The following SNAPC3 variants were observed in gnomAD, a reference collection of about 807,000 sequenced individuals.
The protein encoded by SNAPC3 is snRNA-activating protein complex subunit 3.
Under a neutral mutation model 47.7 loss-of-function variants are expected in SNAPC3, and 56 were observed. That is an observed-to-expected ratio of 1.18 (90% CI 0.95 to 1.47). SNAPC3 has a LOEUF of 1.47. SNAPC3 is among the 40% of genes most tolerant of loss of function. SNAPC3 has a pLI of 0.00. For missense variants in SNAPC3, 665 were observed against 511.3 expected (o/e 1.30, Z -2.90); for synonymous variants, 235 against 189.9 (o/e 1.24, Z -1.95).
At chr9:15,449,049 A>G (rs536449937) in intron 5 of SNAPC3, among the ~76,000 whole-genome samples, 1 of 152,188 alleles carries the variant, frequency 6.6e-6, no homozygotes, top group Non-Finnish European at 1.5e-5. Context: ...ACTTCAGGTG[A>G]TCCACCCGCC....
chr9:15,464,250 T>C (rs550988447), downstream of SNAPC3: 1 of 193,058 alleles, frequency 5.2e-6, no homozygotes, highest in Non-Finnish European at 1.1e-5. Context: ...AAAAATGCAA[T>C]TCTGTAGATG....
In SNAPC3 at chr9:15,422,988, C is replaced by T. The variant is rs375435015; in HGVS notation, c.109C>T (p.Leu37=). The T allele has an allele frequency of 1.6e-5, 25 of 1,546,178 alleles. No homozygotes were observed. The highest frequency in any genetic ancestry group is 2.1e-5 in the Non-Finnish European group (24 of 1,153,432). Residue 37 remains leucine, a synonymous_variant, in exon 1 of 9, where the codon CTA becomes TTA. Coordinates refer to ENST00000380821, the MANE Select transcript of SNAPC3 (RefSeq NM_001039697.2). The part of the protein sequence containing the change: ...CNFPEYELPE[L]NTRAFHVGAF... ...CTTTCCAGAGTATGAGCTTCCCGAG[C>T]TAAATACGCGCGCTTTCCATGTGGG... is the stretch of plus-strand genomic sequence containing the variant.
rs996286821 is a variant in SNAPC3, at chr9:15,461,336, A to C, written c.*1470A>C. On this transcript the variant is annotated 3_prime_UTR_variant, in exon 9 of 9. Coordinates refer to ENST00000380821, the MANE Select transcript of SNAPC3 (RefSeq NM_001039697.2). The stretch of plus-strand genomic sequence containing the variant: ...GCCACCATGGCGGGCTAATTTTTTT[A>C]TTTCTTGTAGATACAGGGTTTCACT... 6.6e-6 allele frequency: 1 copy of C among 151,928 alleles called. No homozygotes were observed. The highest frequency in any genetic ancestry group is 2.4e-5 in the African/African-American group (1 of 41,346). 9.4% of individuals were successfully genotyped at this position (151,928 alleles called of 1,614,324 possible).
rs1427752938 is a variant in SNAPC3, at chr9:15,443,212, G to GAGAGGGAC, written c.478-1388_478-1387insAGGGACAG. Among the ~76,000 whole-genome samples, 6 of 152,300 alleles carry GAGAGGGAC rather than the reference G, an allele frequency of 3.9e-5. No homozygotes were observed. In the East Asian group the frequency reaches 9.7e-4, roughly 25 times the overall value. On this transcript the variant is annotated intron_variant, in intron 3 of 8. Transcript: ENST00000380821. Reference sequence around the variant, plus strand: ...GGAGAGGGGGAGAGGGAGAGAGGGAGAGGGAGCTAACGTCTTTGTTTAGTG... The same window carrying GAGAGGGAC: ...GGAGAGGGGGAGAGGGAGAGAGGGAGAGAGGGACAGGGAGCTAACGTCTTTGTTTAGTG...
intron 7 of SNAPC3, 78 bp downstream of exon 7, chr9:15,453,283 T>A (rs41268953): frequency 0.013 from 15,668 of 1,189,634 alleles, 155 homozygotes; most frequent in Non-Finnish European, 0.016. Context: ...ATAGTTTTTT[T>A]AAAAATAAGA....
chr9:15,431,791 C>G (rs2032179987), intron 2 of SNAPC3: 1 of 150,316 alleles, frequency 6.7e-6, no homozygotes, highest in Non-Finnish European at 1.5e-5. Flanking sequence ...AATTCAAAAA[C>G]TAAAAAATAA....
chr9:15,443,108 C>T (rs965628932), intron 3 of SNAPC3, among the ~76,000 whole-genome samples: 4 of 152,074 alleles, frequency 2.6e-5, no homozygotes, highest in Non-Finnish European at 5.9e-5. Context: ...TGCAGTGAGC[C>T]GAGATGGCGG....
intron 3 of SNAPC3, among the ~76,000 whole-genome samples, chr9:15,435,951 C>A (rs890272443): frequency 1.4e-5 from 2 of 147,632 alleles, no homozygotes; most frequent in African/African-American, 2.5e-5. Flanking sequence ...TCAAGTGATG[C>A]TTCTGCATCT....
At chr9:15,432,005 G>A (rs182091588) in intron 2 of SNAPC3, 2 of 148,750 alleles carry the variant, frequency 1.3e-5, no homozygotes, top group African/African-American at 5.0e-5. Context: ...TACCAAAAGC[G>A]TATCTTGATA....
rs189178118 is a variant in SNAPC3, at chr9:15,438,737, A to G, written c.477+5101A>G. 2.1e-3 allele frequency among the ~76,000 whole-genome samples: 319 copies of G among 152,080 alleles called. 3 individuals carry two copies. The highest frequency in any genetic ancestry group is 7.1e-3 in the African/African-American group (294 of 41,494). ...CTTAATGATCAGAAGAGTTACGTTT[A>G]TTACTTTAATTTTTTTTAATTTAAG... On this transcript the variant is annotated intron_variant, in intron 3 of 8. Transcript: ENST00000380821.
At chr9:15,447,359 A>G in intron 5 of SNAPC3, 115 bp downstream of exon 5, 1 of 781,942 alleles carries the variant, frequency 1.3e-6, no homozygotes, top group South Asian at 1.6e-5. Context: ...GCGGGATTCC[A>G]TCAAACTACA....
chr9:15,466,433 A>G (rs749145004), downstream of SNAPC3, among the ~76,000 whole-genome samples: 1 of 152,260 alleles, frequency 6.6e-6, no homozygotes, highest in Non-Finnish European at 1.5e-5. Context: ...TTTTACAATT[A>G]TCCTTTCACA....
chr9:15,451,213 C>T (rs1017528427), intron 5 of SNAPC3, 107 bp from the exon 6 acceptor site: 5 of 439,134 alleles, frequency 1.1e-5, no homozygotes, highest in Admixed American at 4.1e-5. Context: ...AGTTTTTTAA[C>T]ACATATTAGT....
At chr9:15,459,626 AATGTT>A (rs773032499) in intron 8 of SNAPC3, 88 bp from the exon 9 acceptor site, 41 of 961,160 alleles carry the variant, frequency 4.3e-5, no homozygotes, top group South Asian at 3.9e-4. Context: ...AAGGAAATAG[AATGTT>A]ATATTTACAT....
chr9:15,444,975 C>A (rs1270324046), intron 4 of SNAPC3, among the ~76,000 whole-genome samples: 1 of 152,146 alleles, frequency 6.6e-6, no homozygotes, highest in African/African-American at 2.4e-5. Context: ...CATCTGTAAT[C>A]CCAACTACTT....
intron 7 of SNAPC3, among the ~76,000 whole-genome samples, chr9:15,454,753 C>T (rs986041258): frequency 4.6e-5 from 7 of 152,090 alleles, no homozygotes; most frequent in African/African-American, 1.2e-4. Flanking sequence ...CTGGCTAACA[C>T]AGTGAAAGCG....
downstream of SNAPC3, chr9:15,462,787 ATAAAC>A (rs1332281247): frequency 5.3e-4 from 80 of 152,316 alleles, 1 homozygote; most frequent in African/African-American, 1.9e-3. Context: ...CGACACAAAC[ATAAAC>A]ACATTTCTGC....
chr9:15,431,380 A>G (rs1266342080), intron 2 of SNAPC3, among the ~76,000 whole-genome samples: 1 of 152,128 alleles, frequency 6.6e-6, no homozygotes, highest in Non-Finnish European at 1.5e-5. Flanking sequence ...CTATTATTCT[A>G]TACTTCAGTG....
intron 2 of SNAPC3, among the ~76,000 whole-genome samples, chr9:15,427,511 G>A (rs1250243779): frequency 6.6e-6 from 1 of 152,076 alleles, no homozygotes; most frequent in Non-Finnish European, 1.5e-5. Flanking sequence ...ACCATGCCTG[G>A]CTAATTTTTT....
Sources: gnomAD v4.1 joint callset for allele counts (sites outside exome capture counted in the v4.1 genomes callset) on GRCh38, gnomAD v4.1.1 for gene constraint, MANE v1.5 for transcripts, NCBI Gene and HGNC (gene_info 2026-07-23, HGNC 2026-07-21) for gene names.